SMG6: variants seen among roughly 807,000 people sequenced by gnomAD.
SMG6 encodes the protein telomerase-binding protein EST1A.
In SMG6, 66 loss-of-function variants were observed where a neutral mutation model predicts 142.2. The observed-to-expected ratio is 0.46, with a 90% CI of 0.38 to 0.57. The LOEUF is 0.57. Ranked by LOEUF, SMG6 falls within the 20% of genes least tolerant of loss-of-function variation. The pLI, the probability that SMG6 is intolerant of heterozygous loss-of-function variation, is 0.00. For synonymous variants in SMG6, 779 were observed against 702.4 expected (o/e 1.11, Z -1.72); for missense variants, 1,793 against 1,832.0 (o/e 0.98, Z 0.39).
At chr17:2,255,403 C>CAAAAAAAAAAAAAAA (rs60136702) in intron 8 of SMG6, among the ~76,000 whole-genome samples, 1 of 73,598 alleles carries the variant, frequency 1.4e-5, no homozygotes, top group Non-Finnish European at 2.6e-5. Flanking sequence ...GACTCCGTCT[C>CAAAAAAAAAAAAAAA]AAAAAAAAAA....
At chr17:2,203,912 T>A (rs1313471147) in intron 10 of SMG6, among the ~76,000 whole-genome samples, 3 of 152,150 alleles carry the variant, frequency 2.0e-5, no homozygotes, top group Non-Finnish European at 4.4e-5. Context: ...CAGGGAAGTG[T>A]TCTGCTTCCA....
chr17:2,150,932 C>A (rs900592290), intron 13 of SMG6, among the ~76,000 whole-genome samples: 5 of 151,984 alleles, frequency 3.3e-5, no homozygotes, highest in African/African-American at 1.2e-4. Flanking sequence ...TTCCTTCCAC[C>A]TCTACCTGTA....
chr17:2,210,265 T>A (rs2072809514), intron 10 of SMG6, among the ~76,000 whole-genome samples: 1 of 151,806 alleles, frequency 6.6e-6, no homozygotes, highest in South Asian at 2.1e-4. Context: ...AGGGAGAGGA[T>A]GAACCGTTTT....
intron 10 of SMG6, among the ~76,000 whole-genome samples, chr17:2,222,307 G>A (rs2073193336): frequency 6.6e-6 from 1 of 151,894 alleles, no homozygotes; most frequent in Admixed American, 6.6e-5. Context: ...TAAATAGGAT[G>A]GTTGGGGCAG....
At chr17:2,282,269 A>C (rs2074803321) in intron 8 of SMG6, among the ~76,000 whole-genome samples, 1 of 152,068 alleles carries the variant, frequency 6.6e-6, no homozygotes, top group South Asian at 2.1e-4. Context: ...CAGACTAACT[A>C]ACCTATCCAT....
chr17:2,094,621 G>A (rs969917955), intron 13 of SMG6, among the ~76,000 whole-genome samples: 3 of 152,114 alleles, frequency 2.0e-5, no homozygotes, highest in African/African-American at 4.8e-5. Flanking sequence ...CTGGCCTCAA[G>A]GAATCCCACT....
intron 10 of SMG6, among the ~76,000 whole-genome samples, chr17:2,200,738 C>T (rs1009171028): frequency 6.6e-6 from 1 of 152,120 alleles, no homozygotes; most frequent in African/African-American, 2.4e-5. Flanking sequence ...GAGACAGGCT[C>T]TCGCTCTGTT....
At position 2,080,144 on chromosome 17, in the gene SMG6, T is replaced by C. The variant is rs1370809647; in HGVS notation, c.3681+1666A>G. Among the ~76,000 whole-genome samples the C allele has an allele frequency of 2.1e-5, 3 of 145,514 alleles. No homozygotes were observed. In the Admixed American group the frequency reaches 2.1e-4, roughly 10 times the overall value. On this transcript the variant is annotated intron_variant, in intron 15 of 18. Coordinates refer to ENST00000263073, the MANE Select transcript of SMG6 (RefSeq NM_017575.5). Reference sequence around the variant, plus strand: ...CAAAAGAATGATGGATCTTGGCCAGTGTGACGGCTCATGCCTGTAATCCCA... The same window carrying C: ...CAAAAGAATGATGGATCTTGGCCAGCGTGACGGCTCATGCCTGTAATCCCA...
At chr17:2,228,542 T>C (rs1286623025) in intron 10 of SMG6, among the ~76,000 whole-genome samples, 9 of 151,866 alleles carry the variant, frequency 5.9e-5, no homozygotes, top group Non-Finnish European at 1.2e-4. Context: ...TTTGCATTTT[T>C]AATGGAGGCA....
chr17:2,157,848 T>G (rs531137972), intron 13 of SMG6, among the ~76,000 whole-genome samples: 1 of 152,194 alleles, frequency 6.6e-6, no homozygotes, highest in Non-Finnish European at 1.5e-5. Flanking sequence ...GTATTTCAAA[T>G]GCTTAGAACC....
intron 8 of SMG6, among the ~76,000 whole-genome samples, chr17:2,248,662 AAT>A: frequency 6.6e-6 from 1 of 152,352 alleles, no homozygotes; most frequent in East Asian, 1.9e-4. Flanking sequence ...AACCTTAGTT[AAT>A]GAGAACCACC....
chr17:2,247,870 G>C (rs1597702856), intron 8 of SMG6, among the ~76,000 whole-genome samples: 1 of 151,016 alleles, frequency 6.6e-6, no homozygotes, highest in South Asian at 2.1e-4. Flanking sequence ...GAGGCGGGTA[G>C]ATCATGAGGT....
intron 13 of SMG6, among the ~76,000 whole-genome samples, chr17:2,150,007 T>C (rs1336180493): frequency 6.6e-6 from 1 of 152,180 alleles, no homozygotes; most frequent in Non-Finnish European, 1.5e-5. Flanking sequence ...TTCCCCCAAC[T>C]GCATCCAGTC....
chr17:2,301,970 A>T (rs1231535472), intron 1 of SMG6, among the ~76,000 whole-genome samples: 4 of 151,786 alleles, frequency 2.6e-5, no homozygotes, highest in Non-Finnish European at 4.4e-5. Context: ...ATCCTAGCAT[A>T]GGCCAGGTGC....
intron 9 of SMG6, 62 bp from the exon 10 acceptor site, chr17:2,236,699 TCTCACACACACACACACACACACACA>T (rs1331086315): frequency 6.9e-7 from 1 of 1,459,792 alleles, no homozygotes; most frequent in African/African-American, 1.9e-5. Context: ...TCTCACTCTG[TCTCACACACACACACACACACACACA>T]CACACACACA....
intron 14 of SMG6, 37 bp from the exon 15 acceptor site, chr17:2,081,993 C>CAGTT (rs759720343): frequency 6.2e-7 from 1 of 1,611,990 alleles, no homozygotes; most frequent in East Asian, 2.2e-5. Context: ...AAAGAGGAGA[C>CAGTT]AGTTAGCTGG....
chr17:2,258,308 C>T (rs1377018024), intron 8 of SMG6, among the ~76,000 whole-genome samples: 1 of 152,060 alleles, frequency 6.6e-6, no homozygotes, highest in East Asian at 1.9e-4. Context: ...GTAATCCCAG[C>T]ACTTTGGGAG....
intron 10 of SMG6, among the ~76,000 whole-genome samples, chr17:2,213,018 G>A (rs974377873): frequency 6.6e-6 from 1 of 152,238 alleles, no homozygotes; most frequent in African/African-American, 2.4e-5. Flanking sequence ...CTAGCATGAT[G>A]CTAAAATTTA....
In SMG6 at chr17:2,242,622, G is replaced by T. The variant is rs140547490; in HGVS notation, c.2723+2036C>A. On this transcript the variant is annotated intron_variant, in intron 9 of 18. Coordinates refer to ENST00000263073, the MANE Select transcript of SMG6 (RefSeq NM_017575.5). ...AGCCACGAGTTCAAGGCTATAGTGC[G>T]GTATGATCACACCTGTGAATAGCCA... Among the ~76,000 whole-genome samples the T allele has an allele frequency of 4.8e-5, 7 of 145,402 alleles. No individual in the cohort carries two copies. The East Asian group carries it at 1.4e-3, about 30-fold the overall frequency.
Sources: gnomAD v4.1 joint callset for allele counts (sites outside exome capture counted in the v4.1 genomes callset) on GRCh38, gnomAD v4.1.1 for gene constraint, MANE v1.5 for transcripts, NCBI Gene and HGNC (gene_info 2026-07-23, HGNC 2026-07-21) for gene names.